The following MAGED1 variants were observed in gnomAD, a reference collection of about 807,000 sequenced individuals.
MAGED1 encodes the protein melanoma-associated antigen D1.
MAGED1 carries 3 observed loss-of-function variants against 54.1 expected under a neutral mutation model. That is an observed-to-expected ratio of 0.06 (90% confidence interval 0.03 to 0.14). MAGED1 has a LOEUF of 0.14. Among genes scored for constraint, MAGED1 ranks in the 10% least tolerant of loss-of-function variants. The probability of loss-of-function intolerance (pLI) is 1.00; values close to 1 mark genes in which losing one functional copy is unlikely to be tolerated. For synonymous variants in MAGED1, 217 were observed against 227.3 expected (o/e 0.95, Z 0.41); for missense variants, 485 against 623.4 (o/e 0.78, Z 2.36).
Position 51,837,860 on chromosome X carries a change from A to G in MAGED1, c.-37+34743A>G, listed in dbSNP as rs138233288. Among the ~76,000 whole-genome samples, 240 of 112,596 alleles carry G rather than the reference A, an allele frequency of 2.1e-3. 1 individual carries two copies. Among genetic ancestry groups the G allele is most frequent in the African/African-American group, 7.2e-3 (225 of 31,063 alleles). ...TTCTGCACTGTATTTCTCTGCTCTT[A>G]ACTAATATGAGAGTATTAAATGCAA... On this transcript the variant is annotated intron_variant, in intron 1 of 12. Coordinates refer to the MAGED1 transcript ENST00000375772.
intron 3 of MAGED1, 89 bp downstream of exon 3, chrX:51,895,849 T>TA (rs1458673555): frequency 1.4e-6 from 1 of 731,337 alleles, no homozygotes. Context: ...ACAATGTATG[T>TA]AACTGTATTC....
intron 1 of MAGED1, among the ~76,000 whole-genome samples, chrX:51,806,359 T>C (rs913832358): frequency 2.1e-4 from 23 of 112,006 alleles, no homozygotes; most frequent in African/African-American, 6.2e-4. Flanking sequence ...GTATCCCTTA[T>C]TTGTTACTAT....
chrX:51,813,199 T>G (rs1372850896), intron 1 of MAGED1, among the ~76,000 whole-genome samples: 2 of 109,158 alleles, frequency 1.8e-5, no homozygotes, highest in Non-Finnish European at 3.8e-5. Context: ...AATTTTGTAT[T>G]TTTAATAGAG....
At chrX:51,828,286 C>T (rs183409158) in intron 1 of MAGED1, among the ~76,000 whole-genome samples, 15 of 111,916 alleles carry the variant, frequency 1.3e-4, no homozygotes, top group Admixed American at 3.8e-4. Context: ...TTCTTTTTGA[C>T]ATTGCTGTCA....
intron 2 of MAGED1, chrX:51,894,604 G>A (rs1557363915): frequency 2.6e-6 from 3 of 1,168,156 alleles, no homozygotes. Context: ...GGTGGGTAAG[G>A]AACCATTTTT....
At chrX:51,885,149 C>G (rs1436779711) in intron 1 of MAGED1, among the ~76,000 whole-genome samples, 1 of 111,986 alleles carries the variant, frequency 8.9e-6, no homozygotes, top group Non-Finnish European at 1.9e-5. Flanking sequence ...AACCTCTATA[C>G]TGTTTCTAAA....
At chrX:51,826,558 A>T (rs919239528) in intron 1 of MAGED1, among the ~76,000 whole-genome samples, 4 of 111,955 alleles carry the variant, frequency 3.6e-5, no homozygotes, top group Non-Finnish European at 7.5e-5. Flanking sequence ...TAAACTGATT[A>T]AAAAATAGGC....
rs185237458 is a variant in MAGED1, at chrX:51,809,887, A to G, written c.-37+6770A>G. Among the ~76,000 whole-genome samples the G allele has an allele frequency of 1.9e-3, 216 of 111,784 alleles. 3 individuals are homozygous for G. The highest frequency in any genetic ancestry group is 1.9e-3 in the Admixed American group (20 of 10,521). On this transcript the variant is annotated intron_variant, in intron 1 of 12. Transcript: ENST00000375772. ...CATTATTAACTGGAATTACTTTATA[A>G]AGAAGACTTTTTCCTTATCAGCTAT...
At chrX:51,840,444 A>G (rs1212749836) in intron 1 of MAGED1, among the ~76,000 whole-genome samples, 2 of 109,125 alleles carry the variant, frequency 1.8e-5, no homozygotes. Flanking sequence ...AAATTTTATT[A>G]TTATTATATT....
chrX:51,842,185 C>T, intron 1 of MAGED1, among the ~76,000 whole-genome samples: 1 of 112,144 alleles, frequency 8.9e-6, no homozygotes. Flanking sequence ...TAAAAACTTA[C>T]AAGCCTGTTA....
chrX:51,836,874 A>G (rs782204801), intron 1 of MAGED1, among the ~76,000 whole-genome samples: 1 of 111,439 alleles, frequency 9.0e-6, no homozygotes, highest in Non-Finnish European at 1.9e-5. Flanking sequence ...GCGCCTGGCA[A>G]TGTATACGCT....
At chrX:51,873,028 T>A (rs1160668162) in intron 1 of MAGED1, among the ~76,000 whole-genome samples, 3 of 106,184 alleles carry the variant, frequency 2.8e-5, no homozygotes, top group Admixed American at 2.0e-4. Flanking sequence ...TCAAATAAAC[T>A]TGCTTTCTTT....
rs782732102 is a variant in MAGED1, at chrX:51,896,400, A to T, written c.754-9A>T. 1.7e-6 allele frequency: 2 copies of T among 1,194,607 alleles called. No individual in the cohort carries two copies. Among genetic ancestry groups the T allele is most frequent in the African/African-American group, 1.8e-5 (1 of 56,901 alleles). On this transcript the variant is annotated splice_polypyrimidine_tract_variant and intron_variant, in intron 3 of 12. Transcript: ENST00000326587. ...ACTGGTGATTCTGAACTTCTCTCTG[A>T]TGATGCAGATTAATAACTTGAATGT...
chrX:51,832,872 C>T (rs1264121458), intron 1 of MAGED1, among the ~76,000 whole-genome samples: 4 of 111,381 alleles, frequency 3.6e-5, no homozygotes, highest in Non-Finnish European at 7.5e-5. Context: ...AAGATAGGTT[C>T]TTAGCATCTC....
intron 1 of MAGED1, among the ~76,000 whole-genome samples, chrX:51,870,025 C>T (rs1557361393): frequency 9.0e-6 from 1 of 110,966 alleles, no homozygotes; most frequent in Non-Finnish European, 1.9e-5. Flanking sequence ...GGTGAGCCAC[C>T]GTGCTGGGCT....
chrX:51,827,576 T>G (rs1008203043), intron 1 of MAGED1, among the ~76,000 whole-genome samples: 24 of 112,070 alleles, frequency 2.1e-4, no homozygotes, highest in Middle Eastern at 9.2e-3. Flanking sequence ...GTCCATCAAT[T>G]ATAACAAATA....
chrX:51,896,754 G>T lies in MAGED1; in HGVS notation c.1099G>T (p.Val367Phe). 1 of 1,211,612 alleles carries T rather than the reference G, an allele frequency of 8.3e-7. No individual in the cohort carries two copies. ...CCCCATTGTCTGGCCCGGCCCTGTT[G>T]TCTGGCCGAATCCACTGGCCTGGCA... ...PNPIVWPGPV[V>F]WPNPLAWQNP... The change falls in exon 4 of 13, where the codon GTC (valine) becomes TTC (phenylalanine). Residue 367 changes from valine (V) to phenylalanine (F), a missense_variant. Around this residue, in one of 2 missense-constraint regions of MAGED1, gnomAD observed 299 missense variants for 293.1 expected, o/e 1.02. Transcript: ENST00000326587.
intron 1 of MAGED1, among the ~76,000 whole-genome samples, chrX:51,827,928 C>T (rs942413334): frequency 9.9e-5 from 11 of 111,641 alleles, no homozygotes; most frequent in Non-Finnish European, 2.1e-4. Context: ...TATAGACTTA[C>T]ACTGCGACTT....
At chrX:51,901,487 G>C in intron 11 of MAGED1, 66 bp from the exon 12 acceptor site, 13 of 1,002,912 alleles carry the variant, frequency 1.3e-5, no homozygotes, top group Non-Finnish European at 1.7e-5. Context: ...TGATGGACAG[G>C]TAGGTTGATT....
Sources: gnomAD v4.1 joint callset for allele counts (sites outside exome capture counted in the v4.1 genomes callset) on GRCh38, gnomAD v4.1.1 for gene constraint, gnomAD v4.1.1 regional missense constraint, MANE v1.5 for transcripts, NCBI Gene and HGNC (gene_info 2026-07-23, HGNC 2026-07-21) for gene names.